The following FAM13A variants were observed in gnomAD, a reference collection of about 807,000 sequenced individuals.
FAM13A encodes family with sequence similarity 13 member A.
Under a neutral mutation model 129.6 loss-of-function variants are expected in FAM13A, and 76 were observed. The ratio of observed to expected loss-of-function variants is 0.59; its 90% CI spans 0.49 to 0.71. FAM13A has a LOEUF of 0.71. FAM13A is among the 30% of genes least tolerant of loss of function. The probability of loss-of-function intolerance (pLI) is 0.00; values close to 1 mark genes in which losing one functional copy is unlikely to be tolerated. For synonymous variants in FAM13A, 443 were observed against 449.9 expected (o/e 0.98, Z 0.20); for missense variants, 1,108 against 1,249.3 (o/e 0.89, Z 1.70).
chr4:89,009,287 T>C (rs961098679), intron 3 of FAM13A, among the ~76,000 whole-genome samples: 1 of 152,176 alleles, frequency 6.6e-6, no homozygotes, highest in Non-Finnish European at 1.5e-5. Context: ...TGATTACAGA[T>C]TAACTTTCCT....
Position 88,732,051 on chromosome 4 carries a change from A to G in FAM13A, c.2794T>C (p.Ser932Pro), listed in dbSNP as rs1737941329. The G allele has an allele frequency of 6.2e-7, 1 of 1,613,954 alleles. No individual in the cohort carries two copies. The highest frequency in any genetic ancestry group is 8.5e-7 in the Non-Finnish European group (1 of 1,179,902). Reference protein sequence around the residue: ...FISPMDDKIPSKCSQDTGLSN... With the variant: ...FISPMDDKIPPKCSQDTGLSN... ...AGCCCTGTGTCCTGGCTGCATTTTGATGGTATTTTATCATCCATTGGGGAA... is the reference window on the plus strand; with the variant it reads ...AGCCCTGTGTCCTGGCTGCATTTTGGTGGTATTTTATCATCCATTGGGGAA... Residue 932 changes from serine (S) to proline (P), a missense_variant, in exon 22 of 24, where the codon TCA becomes CCA. Physicochemically the swap from Ser to Pro is moderately conservative, Grantham distance 74 (BLOSUM62 -1). Around this residue, in one of 3 missense-constraint regions of FAM13A, gnomAD observed 529 missense variants for 621.2 expected, o/e 0.85. Transcript: ENST00000264344.
At chr4:89,036,823 T>C (rs1769444892) in intron 1 of FAM13A, among the ~76,000 whole-genome samples, 1 of 152,206 alleles carries the variant, frequency 6.6e-6, no homozygotes, top group South Asian at 2.1e-4. Flanking sequence ...TGGCCCAAGA[T>C]ACGTCTCAGG....
chr4:89,020,688 C>A lies in FAM13A; in HGVS notation c.218-19G>T. On this transcript the variant is annotated intron_variant, in intron 2 of 23. Coordinates refer to ENST00000264344, the MANE Select transcript of FAM13A (RefSeq NM_014883.4). ...GTAAGTCCTGGAAGAGCAAAGTAGG[C>A]ACAGAAAATAAATAGGTTTCTCACA... is the stretch of plus-strand genomic sequence containing the variant. 6.4e-7 allele frequency: 1 copy of A among 1,557,394 alleles called. No individual in the cohort carries two copies. The highest frequency in any genetic ancestry group is 1.1e-5 in the South Asian group (1 of 89,928).
chr4:88,936,846 A>G (rs533851645), intron 5 of FAM13A: 2 of 152,212 alleles, frequency 1.3e-5, no homozygotes, highest in South Asian at 4.2e-4. Flanking sequence ...AGTTGTACAT[A>G]TTTATGGGGT....
chr4:88,961,266 C>G (rs188631677), intron 4 of FAM13A, among the ~76,000 whole-genome samples: 1 of 148,720 alleles, frequency 6.7e-6, no homozygotes, highest in Non-Finnish European at 1.5e-5. Flanking sequence ...CTATAATTAA[C>G]TCATTCACTG....
intron 6 of FAM13A, among the ~76,000 whole-genome samples, chr4:88,883,148 C>T (rs1743860349): frequency 6.6e-6 from 1 of 152,020 alleles, no homozygotes; most frequent in African/African-American, 2.4e-5. Flanking sequence ...TTAAACTATA[C>T]CTTAAAACAA....
At chr4:88,912,098 T>C (rs1241387897) in intron 5 of FAM13A, among the ~76,000 whole-genome samples, 1 of 152,212 alleles carries the variant, frequency 6.6e-6, no homozygotes, top group Non-Finnish European at 1.5e-5. Context: ...TGGCTTTTGA[T>C]GGTTAAATTT....
intron 19 of FAM13A, among the ~76,000 whole-genome samples, chr4:88,744,612 G>A (rs545379021): frequency 6.6e-6 from 1 of 152,272 alleles, no homozygotes; most frequent in South Asian, 2.1e-4. Flanking sequence ...ATTGGGGTTT[G>A]GAACAATAGT....
chr4:88,873,676 G>A (rs1741841187), intron 6 of FAM13A, among the ~76,000 whole-genome samples: 1 of 152,074 alleles, frequency 6.6e-6, no homozygotes, highest in Admixed American at 6.6e-5. Flanking sequence ...AAAAGTCCAG[G>A]ACCAGATGGA....
In FAM13A at chr4:88,728,179, A is replaced by G. The variant is rs925888162; in HGVS notation, c.*354T>C. 2 of 213,860 alleles carry G rather than the reference A, an allele frequency of 9.4e-6. No homozygotes were observed. Among genetic ancestry groups the G allele is most frequent in the Non-Finnish European group, 1.9e-5 (2 of 106,516 alleles). The allele number at this position is 213,860 out of a possible 1,614,324, so 13.2% of individuals were successfully genotyped here. A position where few individuals can be genotyped will look rare whatever the true frequency, so the allele number is the denominator to read the frequency against. Reference sequence around the variant, plus strand: ...TCTCTTGTTTCTCAGTTATCCAGGGAAGAACAGTGTATATTCTCTGTAGAT... The same window carrying G: ...TCTCTTGTTTCTCAGTTATCCAGGGGAGAACAGTGTATATTCTCTGTAGAT... On this transcript the variant is annotated 3_prime_UTR_variant, in exon 24 of 24. Transcript: ENST00000264344.
At chr4:88,835,976 A>G (rs1453999412) in intron 7 of FAM13A, among the ~76,000 whole-genome samples, 1 of 152,030 alleles carries the variant, frequency 6.6e-6, no homozygotes, top group Non-Finnish European at 1.5e-5. Context: ...TCCTTGAAGC[A>G]TCTGTCATCC....
intron 6 of FAM13A, among the ~76,000 whole-genome samples, chr4:88,888,923 G>A (rs998504902): frequency 7.1e-6 from 1 of 141,800 alleles, no homozygotes; most frequent in East Asian, 2.1e-4. Context: ...GCGACAGAGC[G>A]AGACTCCGTC....
intron 5 of FAM13A, among the ~76,000 whole-genome samples, chr4:88,927,433 CTT>C (rs36056529): frequency 3.7e-5 from 5 of 136,712 alleles, no homozygotes; most frequent in Admixed American, 7.2e-5. Context: ...ATTTGGATGT[CTT>C]TTTTTTTTTT....
rs76146228 is a variant in FAM13A at position 88,731,292 on chromosome 4, G to T, written c.2945+35C>A. The T allele has an allele frequency of 1.1e-3, 1,317 of 1,200,628 alleles. 9 individuals carry two copies. The African/African-American group carries it at 0.018, about 16-fold the overall frequency. The allele number at this position is 1,200,628 out of a possible 1,614,324, so 74.4% of individuals were successfully genotyped here. A position where few individuals can be genotyped will look rare whatever the true frequency, so the allele number is the denominator to read the frequency against. On this transcript the variant is annotated intron_variant, in intron 23 of 23. Coordinates refer to ENST00000264344, the MANE Select transcript of FAM13A (RefSeq NM_014883.4). ...AGGGATGGGTGTGTGTGGTGCGGCG[G>T]GGGGGAAGGGAGGGTGGGGGAAGAC... is the stretch of plus-strand genomic sequence containing the variant.
chr4:88,927,117 A>G (rs1340018473), intron 5 of FAM13A, among the ~76,000 whole-genome samples: 1 of 152,014 alleles, frequency 6.6e-6, no homozygotes, highest in Non-Finnish European at 1.5e-5. Flanking sequence ...TGCTTGTGTC[A>G]TCTACAGTTT....
At chr4:88,821,368 A>G (rs1315529964) in intron 7 of FAM13A, among the ~76,000 whole-genome samples, 1 of 152,236 alleles carries the variant, frequency 6.6e-6, no homozygotes, top group Non-Finnish European at 1.5e-5. Flanking sequence ...TAGCAACTCA[A>G]CATTCTTGAA....
At chr4:88,743,276 AG>A (rs1302946648) in intron 19 of FAM13A, among the ~76,000 whole-genome samples, 2 of 152,234 alleles carry the variant, frequency 1.3e-5, no homozygotes, top group Admixed American at 6.5e-5. Context: ...GAAATCAAAA[AG>A]GCCTGATTAG....
At chr4:88,964,318 A>T (rs1759051203) in intron 4 of FAM13A, among the ~76,000 whole-genome samples, 1 of 152,252 alleles carries the variant, frequency 6.6e-6, no homozygotes, top group South Asian at 2.1e-4. Flanking sequence ...AGGAGCTTAT[A>T]TTATGGTATA....
intron 7 of FAM13A, among the ~76,000 whole-genome samples, chr4:88,835,341 C>A (rs1054605046): frequency 1.3e-5 from 2 of 152,160 alleles, no homozygotes; most frequent in African/African-American, 4.8e-5. Context: ...AGTGGATTTT[C>A]TCCTCCTGAA....
Sources: gnomAD v4.1 joint callset for allele counts (sites outside exome capture counted in the v4.1 genomes callset) on GRCh38, gnomAD v4.1.1 for gene constraint, gnomAD v4.1.1 regional missense constraint, MANE v1.5 for transcripts, NCBI Gene and HGNC (gene_info 2026-07-23, HGNC 2026-07-21) for gene names.